The following NBEA variants were observed in gnomAD, a reference collection of about 807,000 sequenced individuals.
NBEA encodes neurobeachin.
A neutral mutation model predicts 343.4 loss-of-function variants in NBEA; 44 were observed. That is an observed-to-expected ratio of 0.13 (90% CI 0.10 to 0.16). The LOEUF (loss-of-function observed/expected upper bound fraction) is 0.16, where lower values mean the gene tolerates loss of function less well. Among genes scored for constraint, NBEA ranks in the 10% least tolerant of loss-of-function variants. The pLI is 1.00. For missense variants in NBEA, 2,555 were observed against 3,631.3 expected (o/e 0.70, Z 7.62); for synonymous variants, 1,175 against 1,238.7 (o/e 0.95, Z 1.08).
intron 35 of NBEA, among the ~76,000 whole-genome samples, chr13:35,293,733 G>A (rs9600453): frequency 0.015 from 2,246 of 151,998 alleles, 49 homozygotes; most frequent in African/African-American, 0.051. Flanking sequence ...TTCTTTAGGT[G>A]CTATAATAGT....
intron 1 of NBEA, among the ~76,000 whole-genome samples, chr13:35,018,850 C>T (rs2061739044): frequency 6.6e-6 from 1 of 152,146 alleles, no homozygotes; most frequent in South Asian, 2.1e-4. Flanking sequence ...TGCAGTCATT[C>T]ACCATTAAGT....
intron 39 of NBEA, among the ~76,000 whole-genome samples, chr13:35,450,324 T>A (rs930963146): frequency 2.7e-5 from 4 of 148,028 alleles, no homozygotes; most frequent in Admixed American, 6.7e-5. Flanking sequence ...AAAAAAAAAA[T>A]AACAATAAAA....
At chr13:35,436,492 C>T (rs947223944) in intron 39 of NBEA, among the ~76,000 whole-genome samples, 3 of 152,020 alleles carry the variant, frequency 2.0e-5, no homozygotes, top group Non-Finnish European at 2.9e-5. Context: ...GGGTGGATCA[C>T]GAGGTCAGGA....
intron 45 of NBEA, among the ~76,000 whole-genome samples, chr13:35,572,098 C>T (rs546482650): frequency 6.6e-6 from 1 of 152,240 alleles, no homozygotes; most frequent in South Asian, 2.1e-4. Flanking sequence ...CTGCCTTTGA[C>T]CTATCTTTTC....
intron 39 of NBEA, among the ~76,000 whole-genome samples, chr13:35,436,301 T>TA (rs1182983233): frequency 2.0e-5 from 3 of 152,162 alleles, no homozygotes; most frequent in Non-Finnish European, 4.4e-5. Context: ...AGATTAAGAG[T>TA]ATATTGATAG....
intron 33 of NBEA, among the ~76,000 whole-genome samples, chr13:35,217,026 G>A (rs1003474655): frequency 3.9e-5 from 6 of 151,974 alleles, no homozygotes; most frequent in African/African-American, 1.4e-4. Flanking sequence ...CAATGTGTGA[G>A]TGGTCCAGTT....
intron 38 of NBEA, among the ~76,000 whole-genome samples, chr13:35,427,489 T>C (rs1167353807): frequency 6.6e-6 from 1 of 152,168 alleles, no homozygotes; most frequent in Non-Finnish European, 1.5e-5. Flanking sequence ...ATCGTTCCTC[T>C]GGAAGTTTTG....
chr13:35,573,791 G>A (rs2080570516), intron 45 of NBEA, among the ~76,000 whole-genome samples: 1 of 152,144 alleles, frequency 6.6e-6, no homozygotes, highest in Admixed American at 6.5e-5. Flanking sequence ...CTATGGAAAG[G>A]AAAAGAGAGC....
At chr13:35,184,986 G>T (rs554754003) in intron 30 of NBEA, among the ~76,000 whole-genome samples, 2 of 152,064 alleles carry the variant, frequency 1.3e-5, no homozygotes, top group Non-Finnish European at 2.9e-5. Flanking sequence ...TTAAGAAATG[G>T]TGATTATCCA....
intron 1 of NBEA, among the ~76,000 whole-genome samples, chr13:34,958,856 G>A (rs2059575989): frequency 6.6e-6 from 1 of 152,104 alleles, no homozygotes. Flanking sequence ...ATTCAAGTTG[G>A]TCTGATACAG....
At chr13:35,178,587 A>T (rs1006390267) in intron 28 of NBEA, among the ~76,000 whole-genome samples, 3 of 151,640 alleles carry the variant, frequency 2.0e-5, no homozygotes, top group Admixed American at 6.6e-5. Context: ...CTTTATTTTT[A>T]AAAAAAGACT....
At chr13:35,326,986 A>G (rs775247788) in intron 36 of NBEA, among the ~76,000 whole-genome samples, 1 of 152,074 alleles carries the variant, frequency 6.6e-6, no homozygotes, top group Non-Finnish European at 1.5e-5. Flanking sequence ...ATGAACAAAC[A>G]TACAAAAAGA....
intron 35 of NBEA, among the ~76,000 whole-genome samples, chr13:35,303,801 C>T (rs939148541): frequency 1.3e-5 from 2 of 152,068 alleles, no homozygotes; most frequent in Non-Finnish European, 2.9e-5. Flanking sequence ...ACTTTCAAAC[C>T]TATCTTTCTC....
chr13:35,478,499 G>A (rs1487741806), intron 41 of NBEA, among the ~76,000 whole-genome samples: 2 of 152,218 alleles, frequency 1.3e-5, no homozygotes, highest in African/African-American at 4.8e-5. Flanking sequence ...GGCGCGTGTG[G>A]CCCTGTGCCG....
chr13:35,146,934 A>T (rs189139489), intron 18 of NBEA, among the ~76,000 whole-genome samples: 16 of 152,234 alleles, frequency 1.1e-4, no homozygotes, highest in Admixed American at 8.5e-4. Flanking sequence ...ACTGGCTGAT[A>T]AAGTGTGTCC....
rs2066064094 is a variant in NBEA at position 35,109,167 on chromosome 13, A to G, written c.1681-123A>G. ...TATATTTTAATAGCAAAGAAAACAA[A>G]TGTTTATTTCATATTTATTAGGGAT... On this transcript the variant is annotated intron_variant, in intron 11 of 58. Transcript: ENST00000379939. The G allele has an allele frequency of 1.4e-5, 12 of 841,730 alleles. No individual in the cohort carries two copies. In the South Asian group the frequency reaches 3.1e-4, roughly 22 times the overall value. 52.1% of individuals were successfully genotyped at this position (841,730 alleles called of 1,614,324 possible).
intron 48 of NBEA, among the ~76,000 whole-genome samples, chr13:35,627,360 C>T (rs2083273391): frequency 6.6e-6 from 1 of 152,126 alleles, no homozygotes; most frequent in Admixed American, 6.5e-5. Flanking sequence ...ACTTATTTCA[C>T]GGACCTGAGC....
intron 40 of NBEA, among the ~76,000 whole-genome samples, chr13:35,471,296 T>C (rs1334353772): frequency 1.3e-5 from 2 of 152,004 alleles, no homozygotes; most frequent in Admixed American, 6.5e-5. Flanking sequence ...CCGAGGGCGG[T>C]GTCGGCGCGA....
intron 55 of NBEA, among the ~76,000 whole-genome samples, chr13:35,657,390 A>G (rs373705512): frequency 6.6e-6 from 1 of 152,238 alleles, no homozygotes; most frequent in African/African-American, 2.4e-5. Flanking sequence ...TTGATTTCCA[A>G]CCAGTTCAAA....
Sources: allele counts gnomAD v4.1 joint callset (sites outside exome capture counted in the v4.1 genomes callset), GRCh38; gene constraint gnomAD v4.1.1; transcripts MANE v1.5; gene names NCBI Gene and HGNC (gene_info 2026-07-23, HGNC 2026-07-21).